Variants in KCNAB1 observed in about 807,000 individuals in gnomAD.
KCNAB1 encodes potassium voltage-gated channel subfamily A regulatory beta subunit 1.
KCNAB1 carries 35 observed loss-of-function variants against 64.6 expected under a neutral mutation model. That is an observed-to-expected ratio of 0.54 (90% CI 0.41 to 0.72). KCNAB1 has a LOEUF of 0.72. Among genes scored for constraint, KCNAB1 ranks in the 30% least tolerant of loss-of-function variants. The pLI is 0.00. For synonymous variants in KCNAB1, 177 were observed against 183.8 expected (o/e 0.96, Z 0.30); for missense variants, 401 against 512.9 (o/e 0.78, Z 2.11).
chr3:156,533,705 G>C (rs1333756553), intron 13 of KCNAB1, among the ~76,000 whole-genome samples: 1 of 152,120 alleles, frequency 6.6e-6, no homozygotes, highest in Non-Finnish European at 1.5e-5. Context: ...TGGCCATGGA[G>C]GGGGAGAGAA....
intron 1 of KCNAB1, among the ~76,000 whole-genome samples, chr3:156,347,391 GT>G (rs1283117848): frequency 6.6e-6 from 1 of 152,170 alleles, no homozygotes; most frequent in African/African-American, 2.4e-5. Context: ...TGAGGAAAAA[GT>G]TACCTTTCTG....
At chr3:156,213,103 G>A (rs180742562) in intron 1 of KCNAB1, among the ~76,000 whole-genome samples, 2 of 152,156 alleles carry the variant, frequency 1.3e-5, no homozygotes, top group Admixed American at 1.3e-4. Flanking sequence ...ATCTGGTGAT[G>A]GGCTGAGTAT....
At chr3:156,469,248 C>CTTTTTTTTTTTTTTTTTTTTT (rs34567814) in intron 7 of KCNAB1, among the ~76,000 whole-genome samples, 2 of 72,954 alleles carry the variant, frequency 2.7e-5, no homozygotes, top group Non-Finnish European at 4.9e-5. Flanking sequence ...TTCTTTCTTT[C>CTTTTTTTTTTTTTTTTTTTTT]TTTTTTTTTT....
chr3:156,480,811 G>C (rs531122349), intron 8 of KCNAB1, among the ~76,000 whole-genome samples: 5 of 152,218 alleles, frequency 3.3e-5, no homozygotes, highest in African/African-American at 9.6e-5. Flanking sequence ...AGTAGCTACT[G>C]TACTTGACCA....
At chr3:156,424,542 C>T (rs535922811) in intron 2 of KCNAB1, among the ~76,000 whole-genome samples, 5 of 151,802 alleles carry the variant, frequency 3.3e-5, no homozygotes, top group Non-Finnish European at 5.9e-5. Flanking sequence ...AATAACTATT[C>T]GGTATTCATT....
intron 1 of KCNAB1, among the ~76,000 whole-genome samples, chr3:156,141,243 T>G (rs1267074971): frequency 6.6e-6 from 1 of 152,142 alleles, no homozygotes; most frequent in African/African-American, 2.4e-5. Flanking sequence ...CTTATTCAGA[T>G]TTTTCCAATA....
At chr3:156,397,500 G>T (rs961177074) in intron 1 of KCNAB1, among the ~76,000 whole-genome samples, 3 of 152,186 alleles carry the variant, frequency 2.0e-5, no homozygotes, top group Non-Finnish European at 4.4e-5. Context: ...CTGAAGAAAT[G>T]GAATTATTGA....
intron 1 of KCNAB1, among the ~76,000 whole-genome samples, chr3:156,164,700 G>A (rs1334767868): frequency 1.3e-5 from 2 of 152,096 alleles, no homozygotes; most frequent in African/African-American, 2.4e-5. Flanking sequence ...AGCCTGGTCC[G>A]GGCCTCGGTA....
chr3:156,534,127 A>G (rs1718887861), intron 13 of KCNAB1, among the ~76,000 whole-genome samples: 1 of 152,154 alleles, frequency 6.6e-6, no homozygotes, highest in Non-Finnish European at 1.5e-5. Flanking sequence ...ACCCAAGACG[A>G]GTTGTGATTG....
chr3:156,240,504 C>T (rs913549280), intron 1 of KCNAB1, among the ~76,000 whole-genome samples: 9 of 152,130 alleles, frequency 5.9e-5, no homozygotes, highest in African/African-American at 2.2e-4. Flanking sequence ...CCACTTTTGA[C>T]GCTTTAACCT....
At position 156,128,372 on chromosome 3, in the gene KCNAB1, TG is replaced by T. The variant is rs1713793238; in HGVS notation, c.275+7487del. 2.0e-5 allele frequency among the ~76,000 whole-genome samples: 3 copies of T among 152,178 alleles called. No individual in the cohort carries two copies. In the South Asian group the frequency reaches 6.2e-4, roughly 31 times the overall value. On this transcript the variant is annotated intron_variant, in intron 1 of 13. Coordinates refer to ENST00000490337, the MANE Select transcript of KCNAB1 (RefSeq NM_172160.3). ...AGAAAAAGGGGATGAGGTGATACTT[TG>T]TTTTGAAGTTGTAGGAGAAGGAGAA...
At chr3:156,428,419 T>C (rs764464383) in intron 2 of KCNAB1, among the ~76,000 whole-genome samples, 1 of 151,206 alleles carries the variant, frequency 6.6e-6, no homozygotes, top group Non-Finnish European at 1.5e-5. Context: ...GTCTCTAACT[T>C]GCCAACTGCA....
chr3:156,187,084 G>A (rs1713249699), intron 1 of KCNAB1, among the ~76,000 whole-genome samples: 1 of 152,092 alleles, frequency 6.6e-6, no homozygotes, highest in Non-Finnish European at 1.5e-5. Context: ...GAATTCCTGG[G>A]CTCAAGCCAT....
rs145085281 is a variant in KCNAB1, at chr3:156,131,213, C to T, written c.275+10327C>T. 2.1e-4 allele frequency among the ~76,000 whole-genome samples: 32 copies of T among 152,264 alleles called. No homozygotes were observed. In the East Asian group the frequency reaches 4.6e-3, roughly 22 times the overall value. The stretch of plus-strand genomic sequence containing the variant: ...TGCTGCATGGGAGGAGGAAACAACA[C>T]GGTTTTGAGGAGCACTTACTCATAT... On this transcript the variant is annotated intron_variant, in intron 1 of 13. Transcript: ENST00000490337.
intron 2 of KCNAB1, among the ~76,000 whole-genome samples, chr3:156,438,874 C>T (rs1469731940): frequency 1.3e-5 from 2 of 152,032 alleles, no homozygotes; most frequent in Admixed American, 6.6e-5. Context: ...ATTAGCTGGG[C>T]GTGGTGGCGT....
chr3:156,362,294 A>T (rs1447052968), intron 1 of KCNAB1, among the ~76,000 whole-genome samples: 3 of 152,238 alleles, frequency 2.0e-5, no homozygotes, highest in Non-Finnish European at 4.4e-5. Context: ...ATGAGAAACA[A>T]TTGTGTAAAT....
intron 2 of KCNAB1, among the ~76,000 whole-genome samples, chr3:156,447,224 T>C (rs756222366): frequency 6.6e-6 from 1 of 152,360 alleles, no homozygotes; most frequent in East Asian, 1.9e-4. Flanking sequence ...CTTTATAAAA[T>C]TGATTCTCTA....
intron 1 of KCNAB1, among the ~76,000 whole-genome samples, chr3:156,352,113 G>A (rs1401759988): frequency 2.0e-5 from 3 of 152,158 alleles, no homozygotes; most frequent in African/African-American, 4.8e-5. Context: ...GTCTGGAGTC[G>A]GAGGTGTCAG....
chr3:156,334,583 T>A lies in KCNAB1; in HGVS notation c.276-87033T>A, dbSNP rs368418950. Among the ~76,000 whole-genome samples, 113 of 152,302 alleles carry A rather than the reference T, an allele frequency of 7.4e-4. 2 individuals carry two copies. In the South Asian group the frequency reaches 0.02, roughly 27 times the overall value. The stretch of plus-strand genomic sequence containing the variant: ...CCAACACATCGTGATTGTTATGAGT[T>A]AAATGAGAAAAAGTGTATGATATTT... On this transcript the variant is annotated intron_variant, in intron 1 of 13. Coordinates refer to ENST00000490337, the MANE Select transcript of KCNAB1 (RefSeq NM_172160.3).
Sources: allele counts gnomAD v4.1 joint callset (sites outside exome capture counted in the v4.1 genomes callset), GRCh38; gene constraint gnomAD v4.1.1; transcripts MANE v1.5; gene names NCBI Gene and HGNC (gene_info 2026-07-23, HGNC 2026-07-21).